The following ANKS1A variants were observed in gnomAD, a reference collection of about 807,000 sequenced individuals.
ANKS1A encodes ankyrin repeat and SAM domain-containing protein 1A.
A neutral mutation model predicts 120.3 loss-of-function variants in ANKS1A; 55 were observed. The observed-to-expected ratio is 0.46, with a 90% CI of 0.37 to 0.57. ANKS1A has a LOEUF of 0.57. ANKS1A is among the 20% of genes least tolerant of loss of function. The pLI is 0.00. For synonymous variants in ANKS1A, 590 were observed against 604.7 expected (o/e 0.98, Z 0.36); for missense variants, 1,123 against 1,480.3 (o/e 0.76, Z 3.96).
rs757203673 is a variant in ANKS1A at position 35,017,482 on chromosome 6, G to A, written c.1433G>A (p.Arg478Gln). 67 of 1,602,080 alleles carry A rather than the reference G, an allele frequency of 4.2e-5. 2 individuals carry two copies. In the South Asian group the frequency reaches 5.2e-4, roughly 13 times the overall value. ...CTCCGTCCACTCCAAGACCACAGGC[G>A]GAGCAGCAGCAGCCGGAGCCAGGAC... is the stretch of plus-strand genomic sequence containing the variant. ...LVDGKTKDHR[R>Q]SSSSRSQDSA... Residue 478 changes from arginine (R) to glutamine (Q), a missense_variant, in exon 11 of 24, where the codon CGG (arginine) becomes CAG (glutamine). Arg to Gln is a conservative substitution (Grantham distance 43). Around this residue, in one of 3 missense-constraint regions of ANKS1A, gnomAD observed 904 missense variants for 1,130.4 expected, o/e 0.80. Coordinates refer to ENST00000360359, the MANE Select transcript of ANKS1A (RefSeq NM_015245.3).
chr6:35,017,407 A>G lies in ANKS1A; in HGVS notation c.1424-66A>G, dbSNP rs1774078618. The stretch of plus-strand genomic sequence containing the variant: ...CTCTGCTTTGCCATATGCTTGCTGC[A>G]TTGGAACTTTGTTGATTTTTGCCAC... On this transcript the variant is annotated intron_variant, in intron 10 of 23. Transcript: ENST00000360359. 4.6e-6 allele frequency: 7 copies of G among 1,511,788 alleles called. No homozygotes were observed. The African/African-American group carries it at 8.3e-5, about 18-fold the overall frequency. 93.6% of individuals were successfully genotyped at this position (1,511,788 alleles called of 1,614,324 possible). A position where few individuals can be genotyped will look rare whatever the true frequency, so the allele number is the denominator to read the frequency against.
chr6:35,001,032 G>A (rs1773139240), intron 10 of ANKS1A, among the ~76,000 whole-genome samples: 1 of 152,140 alleles, frequency 6.6e-6, no homozygotes, highest in Non-Finnish European at 1.5e-5. Context: ...AGGTTAAAAA[G>A]AGTCTATAAA....
At chr6:34,921,091 G>A (rs530937339) in intron 1 of ANKS1A, among the ~76,000 whole-genome samples, 13 of 152,336 alleles carry the variant, frequency 8.5e-5, no homozygotes, top group African/African-American at 2.6e-4. Flanking sequence ...ACTTTGAGGA[G>A]AAGAGAGCTG....
Position 35,079,594 on chromosome 6 carries a change from G to A in ANKS1A, c.2362G>A (p.Val788Ile), listed in dbSNP as rs149313840. Residue 788 changes from valine (V) to isoleucine (I), a missense_variant, in exon 15 of 24, where the codon GTC becomes ATC. By Grantham distance (29) the Val-to-Ile change is conservative. Around this residue, in one of 3 missense-constraint regions of ANKS1A, gnomAD observed 904 missense variants for 1,130.4 expected, o/e 0.80. Coordinates refer to ENST00000360359, the MANE Select transcript of ANKS1A (RefSeq NM_015245.3). ...GGACTCCCTGGGGCTGCAGGACTACGTCCATTCCTTCTTGTCAAGTGGTTA... is the reference window on the plus strand; with the variant it reads ...GGACTCCCTGGGGCTGCAGGACTACATCCATTCCTTCTTGTCAAGTGGTTA... ...WLDSLGLQDY[V>I]HSFLSSGYSS... 332 of 1,614,036 alleles carry A rather than the reference G, an allele frequency of 2.1e-4. 1 individual carries two copies. Among genetic ancestry groups the A allele is most frequent in the Middle Eastern group, 4.9e-4 (3 of 6,084 alleles).
At chr6:34,949,026 G>A (rs1465492819) in intron 1 of ANKS1A, among the ~76,000 whole-genome samples, 4 of 152,114 alleles carry the variant, frequency 2.6e-5, no homozygotes, top group Non-Finnish European at 4.4e-5. Flanking sequence ...TTCCTCATCC[G>A]TAAAGGTTTT....
At chr6:34,971,165 G>C (rs1247314594) in intron 3 of ANKS1A, among the ~76,000 whole-genome samples, 1 of 152,166 alleles carries the variant, frequency 6.6e-6, no homozygotes, top group Non-Finnish European at 1.5e-5. Context: ...TCACAAATCA[G>C]GAACATGTGA....
chr6:34,972,517 T>C (rs1000374750), intron 3 of ANKS1A: 30 of 845,686 alleles, frequency 3.5e-5, no homozygotes, highest in Admixed American at 6.2e-5. Context: ...CTCAGGGCTG[T>C]GTATTGCTTT....
At chr6:35,023,870 C>T (rs1160117090) in intron 11 of ANKS1A, 1 of 163,866 alleles carries the variant, frequency 6.1e-6, no homozygotes, top group African/African-American at 2.4e-5. Context: ...GCTGCTCCTT[C>T]CACTGAAGTC....
At chr6:34,957,076 AACTT>A in intron 1 of ANKS1A, among the ~76,000 whole-genome samples, 1 of 152,268 alleles carries the variant, frequency 6.6e-6, no homozygotes, top group East Asian at 1.9e-4. Flanking sequence ...CAGCTCTACT[AACTT>A]ACCTACTTTT....
At chr6:35,042,940 G>T (rs1775541182) in intron 11 of ANKS1A, among the ~76,000 whole-genome samples, 1 of 152,212 alleles carries the variant, frequency 6.6e-6, no homozygotes, top group Non-Finnish European at 1.5e-5. Context: ...GGTTGTGGGT[G>T]GGGCAGGGCT....
At chr6:34,986,993 G>A (rs1420484860) in intron 8 of ANKS1A, among the ~76,000 whole-genome samples, 1 of 152,256 alleles carries the variant, frequency 6.6e-6, no homozygotes. Context: ...GAAGAAAGCT[G>A]AGAATGATTT....
Position 35,060,327 on chromosome 6 carries a change from C to T in ANKS1A, c.2184+74C>T. The T allele has an allele frequency of 1.5e-6, 2 of 1,341,910 alleles. No individual in the cohort carries two copies. Among genetic ancestry groups the T allele is most frequent in the South Asian group, 2.5e-5 (2 of 79,760 alleles). 83.1% of individuals were successfully genotyped at this position (1,341,910 alleles called of 1,614,324 possible). On this transcript the variant is annotated intron_variant, in intron 13 of 23. Coordinates refer to ENST00000360359, the MANE Select transcript of ANKS1A (RefSeq NM_015245.3). The surrounding 1 kb of genome is among the most constrained non-coding windows in gnomAD (Gnocchi z 4.5). ...CAGGCCTCCCTGGCCTCCCCTCTGG[C>T]CCCACAGGAGTCTGCAACAGTACGT...
chr6:34,973,861 CTCCCCTTCCCTTCCCCTTCCCCTTCACT>C (rs1771314522), intron 3 of ANKS1A, among the ~76,000 whole-genome samples: 2 of 56,066 alleles, frequency 3.6e-5, no homozygotes, highest in African/African-American at 1.0e-4. Context: ...TCCCCTTGCC[CTCCCCTTCCCTTCCCCTTCCCCTTCACT>C]TCCCCTTCCC....
intron 1 of ANKS1A, among the ~76,000 whole-genome samples, chr6:34,922,918 C>A (rs1359754922): frequency 6.6e-6 from 1 of 152,064 alleles, no homozygotes; most frequent in Non-Finnish European, 1.5e-5. Flanking sequence ...GTCTTGATCT[C>A]CTGACATTGT....
At chr6:34,968,568 G>T (rs1448476655) in intron 2 of ANKS1A, among the ~76,000 whole-genome samples, 1 of 152,156 alleles carries the variant, frequency 6.6e-6, no homozygotes, top group African/African-American at 2.4e-5. Flanking sequence ...CTCCTGAGTA[G>T]CTGGGATTAC....
chr6:35,035,617 G>C (rs1453612435), intron 11 of ANKS1A, among the ~76,000 whole-genome samples: 2 of 152,166 alleles, frequency 1.3e-5, no homozygotes, highest in Admixed American at 1.3e-4. Flanking sequence ...ATGGGTCTTA[G>C]GGTAGATGTT....
At chr6:35,016,025 T>C (rs1773986354) in intron 10 of ANKS1A, among the ~76,000 whole-genome samples, 1 of 152,188 alleles carries the variant, frequency 6.6e-6, no homozygotes, top group South Asian at 2.1e-4. Context: ...GGGGGAGAAG[T>C]GTGCCATCAT....
chr6:35,060,065 C>T lies in ANKS1A; in HGVS notation c.2078-82C>T, dbSNP rs1776411789. On this transcript the variant is annotated intron_variant, in intron 12 of 23. Coordinates refer to ENST00000360359, the MANE Select transcript of ANKS1A (RefSeq NM_015245.3). This position sits in a 1 kb window ranked among gnomAD's most constrained non-coding sequence, Gnocchi z 4.5. Reference sequence around the variant, plus strand: ...GGTAATGACTATGATGTGGCAATGCCATCTATCTTCCTCTGAGTGCCGCTG... The same window carrying T: ...GGTAATGACTATGATGTGGCAATGCTATCTATCTTCCTCTGAGTGCCGCTG... 1.8e-6 allele frequency: 2 copies of T among 1,109,966 alleles called. No homozygotes were observed. The highest frequency in any genetic ancestry group is 2.7e-6 in the Non-Finnish European group (2 of 745,936). 68.8% of individuals were successfully genotyped at this position (1,109,966 alleles called of 1,614,324 possible).
At chr6:35,017,362 C>T (rs1339814068) in intron 10 of ANKS1A, 111 bp from the exon 11 acceptor site, 1 of 1,149,016 alleles carries the variant, frequency 8.7e-7, no homozygotes, top group South Asian at 1.6e-5. Flanking sequence ...CAGTTTCTCT[C>T]TCTGTTTCTC....
Sources: gnomAD v4.1 joint callset for allele counts (sites outside exome capture counted in the v4.1 genomes callset) on GRCh38, gnomAD v4.1.1 for gene constraint, gnomAD v4.1.1 regional missense constraint, Gnocchi (gnomAD v3.1) non-coding constraint, MANE v1.5 for transcripts, NCBI Gene and HGNC (gene_info 2026-07-23, HGNC 2026-07-21) for gene names.